The following THAP5 variants were observed in gnomAD, a reference collection of about 807,000 sequenced individuals.
THAP5 encodes the protein THAP domain-containing protein 5.
Under a neutral mutation model 34.0 loss-of-function variants are expected in THAP5, and 26 were observed. The observed-to-expected ratio is 0.77, with a 90% CI of 0.56 to 1.06. The LOEUF is 1.06. Ranked by LOEUF, THAP5 falls within the 50% of genes least tolerant of loss-of-function variation. The pLI is 0.00. For synonymous variants in THAP5, 125 were observed against 153.0 expected (o/e 0.82, Z 1.35); for missense variants, 394 against 452.8 (o/e 0.87, Z 1.18).
downstream of THAP5, among the ~76,000 whole-genome samples, chr7:108,559,242 A>T (rs1864409660): frequency 6.6e-6 from 1 of 152,212 alleles, no homozygotes; most frequent in Non-Finnish European, 1.5e-5. Flanking sequence ...GACATAGGGT[A>T]TGGGAGCTAG....
chr7:108,558,169 T>G (rs930830639), downstream of THAP5, among the ~76,000 whole-genome samples: 1 of 151,800 alleles, frequency 6.6e-6, no homozygotes, highest in East Asian at 1.9e-4. Context: ...GGGATTACAA[T>G]TTGGCATGAG....
intron 1 of THAP5, among the ~76,000 whole-genome samples, chr7:108,567,011 C>T (rs1196414276): frequency 1.3e-5 from 2 of 152,072 alleles, no homozygotes. Context: ...TAAAATGTAG[C>T]TGTTATACAC....
downstream of THAP5, chr7:108,554,433 G>A (rs1054084670): frequency 6.6e-6 from 1 of 152,196 alleles, no homozygotes; most frequent in Non-Finnish European, 1.5e-5. Flanking sequence ...AAGGGTGGAA[G>A]CCCTGACGTA....
chr7:108,564,116 C>G lies in THAP5; in HGVS notation c.*75G>C. ...TAAGATGAGAACTTTATACAGGAAA[C>G]AGTTCACTTTACATGTAGTTTGGTT... On this transcript the variant is annotated 3_prime_UTR_variant, in exon 3 of 3. Transcript: ENST00000415914. 1 of 1,191,358 alleles carries G rather than the reference C, an allele frequency of 8.4e-7. No homozygotes were observed. Among genetic ancestry groups the G allele is most frequent in the Non-Finnish European group, 1.2e-6 (1 of 850,830 alleles). The allele number at this position is 1,191,358 out of a possible 1,614,324, so 73.8% of individuals were successfully genotyped here.
intron 1 of THAP5, among the ~76,000 whole-genome samples, chr7:108,556,492 G>A (rs1434668999): frequency 6.6e-6 from 1 of 152,162 alleles, no homozygotes; most frequent in Non-Finnish European, 1.5e-5. Context: ...AAACAAAAGG[G>A]CTACAAGCTC....
chr7:108,559,762 G>C (rs1864413418), downstream of THAP5, among the ~76,000 whole-genome samples: 1 of 152,090 alleles, frequency 6.6e-6, no homozygotes, highest in Non-Finnish European at 1.5e-5. Context: ...AGGAGAGAGA[G>C]AGAGTGAGCG....
upstream of THAP5, chr7:108,569,743 C>A: frequency 1.2e-6 from 1 of 813,784 alleles, no homozygotes; most frequent in Non-Finnish European, 1.9e-6. Context: ...TTAAGCACCG[C>A]CTTTTCGGGG....
the THAP5 span, among the ~76,000 whole-genome samples, chr7:108,544,916 G>A: frequency 1.7e-3 from 254 of 152,220 alleles, no homozygotes; most frequent in African/African-American, 5.9e-3. Flanking sequence ...GTCCCAAAGT[G>A]CTGGGATTAC....
chr7:108,568,643 T>A (rs1270206989), intron 1 of THAP5: 1 of 154,664 alleles, frequency 6.5e-6, no homozygotes, highest in Non-Finnish European at 1.5e-5. Flanking sequence ...AAATGAATTG[T>A]TTTTAAATAC....
At chr7:108,556,894 T>G (rs1012845322) in intron 1 of THAP5, among the ~76,000 whole-genome samples, 2 of 152,256 alleles carry the variant, frequency 1.3e-5, no homozygotes, top group Admixed American at 6.5e-5. Flanking sequence ...AGCAGACTTC[T>G]GCCTGGACAT....
chr7:108,564,958 C>G lies in THAP5; in HGVS notation c.421G>C (p.Glu141Gln). The G allele has an allele frequency of 6.4e-7, 1 of 1,559,954 alleles. No homozygotes were observed. Among genetic ancestry groups the G allele is most frequent in the Non-Finnish European group, 8.7e-7 (1 of 1,149,938 alleles). The change falls in exon 3 of 3, where the codon GAA becomes CAA. Residue 141 changes from glutamate to glutamine, a missense_variant. Physicochemically the swap from Glu to Gln is conservative, Grantham distance 29 (BLOSUM62 2). Transcript: ENST00000415914. ...VNTDVPHQHPELLHSSSLVKP... is the reference protein window; with the variant it reads ...VNTDVPHQHPQLLHSSSLVKP... ...ACCAAGGAAGATGAATGAAGTAATT[C>G]TGGATGTTGATGGGGCACATCTGTG...
rs748808632 is a variant in THAP5, at chr7:108,564,974, C to T, written c.405G>A (p.Val135=). 3.5e-5 allele frequency: 55 copies of T among 1,555,414 alleles called. No individual in the cohort carries two copies. The South Asian group carries it at 3.6e-4, about 10-fold the overall frequency. The stretch of plus-strand genomic sequence containing the variant: ...GAAGTAATTCTGGATGTTGATGGGG[C>T]ACATCTGTGTTAACTATATTTTTCT... ...ETKKNIVNTD[V]PHQHPELLHS... The change falls in exon 3 of 3, where the codon GTG becomes GTA. Residue 135 remains valine (V), a synonymous_variant. Transcript: ENST00000415914.
chr7:108,561,415 C>T (rs998727761), downstream of THAP5, among the ~76,000 whole-genome samples: 9 of 149,916 alleles, frequency 6.0e-5, no homozygotes, highest in African/African-American at 2.3e-4. Flanking sequence ...AGGCACGCAC[C>T]ACCATGCCTG....
chr7:108,546,928 GC>G, the THAP5 span, among the ~76,000 whole-genome samples: 1 of 152,114 alleles, frequency 6.6e-6, no homozygotes, highest in East Asian at 1.9e-4. Flanking sequence ...CCAGCTCTAT[GC>G]CCCTCCTATA....
downstream of THAP5, among the ~76,000 whole-genome samples, chr7:108,559,586 C>G (rs992860699): frequency 1.3e-5 from 2 of 152,190 alleles, no homozygotes; most frequent in Non-Finnish European, 2.9e-5. Context: ...AGTGAGATTA[C>G]TATTTGTATT....
At chr7:108,541,792 C>A in the THAP5 span, among the ~76,000 whole-genome samples, 1 of 152,176 alleles carries the variant, frequency 6.6e-6, no homozygotes, top group Non-Finnish European at 1.5e-5. Context: ...AGCAGTAAGA[C>A]AGAATTCCTC....
chr7:108,564,768 G>A lies in THAP5; in HGVS notation c.611C>T (p.Thr204Ile). 1.2e-6 allele frequency: 2 copies of A among 1,613,306 alleles called. No individual in the cohort carries two copies. The highest frequency in any genetic ancestry group is 1.7e-5 in the Admixed American group (1 of 59,958). ...TGAATTTGAAGTTGTCAAAGTAATA[G>A]TTGTAGAATTTAGATTCTCAAAACA... The part of the protein sequence containing the change: ...HTCFENLNST[T>I]ITLTTSNSES... Residue 204 changes from threonine to isoleucine, a missense_variant, in exon 3 of 3, where the codon ACT (threonine) becomes ATT (isoleucine). Transcript: ENST00000415914.
At chr7:108,542,844 A>G in the THAP5 span, among the ~76,000 whole-genome samples, 1 of 152,208 alleles carries the variant, frequency 6.6e-6, no homozygotes, top group Non-Finnish European at 1.5e-5. Flanking sequence ...GGAGAATTCA[A>G]AATGGCTTCC....
intron 1 of THAP5, among the ~76,000 whole-genome samples, chr7:108,567,139 AC>A (rs1302937501): frequency 2.0e-4 from 31 of 152,130 alleles, no homozygotes; most frequent in Admixed American, 2.0e-3. Context: ...GTAAGATATA[AC>A]TTTTAATCCT....
Sources: gnomAD v4.1 joint callset for allele counts (sites outside exome capture counted in the v4.1 genomes callset) on GRCh38, gnomAD v4.1.1 for gene constraint, MANE v1.5 for transcripts, NCBI Gene and HGNC (gene_info 2026-07-23, HGNC 2026-07-21) for gene names.